DIO1: variants seen among roughly 807,000 people sequenced by gnomAD.
DIO1 encodes iodothyronine deiodinase 1, also known as type I iodothyronine deiodinase.
A neutral mutation model predicts 25.9 loss-of-function variants in DIO1; 17 were observed. The ratio of observed to expected loss-of-function variants is 0.66; its 90% CI spans 0.45 to 0.98. The LOEUF is 0.98. Among genes scored for constraint, DIO1 ranks in the 50% least tolerant of loss-of-function variants. The probability of loss-of-function intolerance (pLI) is 0.00; values close to 1 mark genes in which losing one functional copy is unlikely to be tolerated. For synonymous variants in DIO1, 115 were observed against 114.0 expected (o/e 1.01, Z -0.05); for missense variants, 270 against 310.4 (o/e 0.87, Z 0.98).
At position 53,906,274 on chromosome 1, in the gene DIO1, G is replaced by A. The variant is rs1651651141; in HGVS notation, c.661G>A (p.Glu221Lys). The A allele has an allele frequency of 1.9e-6, 3 of 1,613,318 alleles. No individual in the cohort carries two copies. Among genetic ancestry groups the A allele is most frequent in the Non-Finnish European group, 2.5e-6 (3 of 1,179,700 alleles). ...ALPERLYIIQ[E>K]GRILYKGKSG... The stretch of plus-strand genomic sequence containing the variant: ...GCCTGAGAGGCTCTACATAATCCAG[G>A]AGGGCAGGATCCTCTACAAGGTGGT... Residue 221 changes from glutamate to lysine, a missense_variant, in exon 3 of 4, where the codon GAG (glutamate) becomes AAG (lysine). Glu to Lys is a moderately conservative substitution (Grantham distance 56). Coordinates refer to ENST00000361921, the MANE Select transcript of DIO1 (RefSeq NM_000792.7).
At chr1:53,896,500 G>A (rs927592810) in intron 1 of DIO1, among the ~76,000 whole-genome samples, 2 of 152,152 alleles carry the variant, frequency 1.3e-5, no homozygotes, top group African/African-American at 2.4e-5. Context: ...TTACAGGCAT[G>A]AGCCACTGTG....
At chr1:53,900,324 C>T (rs1651289690) in intron 1 of DIO1, among the ~76,000 whole-genome samples, 1 of 152,198 alleles carries the variant, frequency 6.6e-6, no homozygotes, top group Non-Finnish European at 1.5e-5. Context: ...AAAATTCTGG[C>T]CAGGCGCAGT....
chr1:53,895,794 C>G (rs1384300914), intron 1 of DIO1, among the ~76,000 whole-genome samples: 1 of 152,228 alleles, frequency 6.6e-6, no homozygotes, highest in African/African-American at 2.4e-5. Context: ...ACTGTTGGGC[C>G]TTGTACATCT....
At chr1:53,904,930 C>G in intron 2 of DIO1, 121 bp downstream of exon 2, 1 of 1,109,030 alleles carries the variant, frequency 9.0e-7, no homozygotes, top group Non-Finnish European at 1.3e-6. Context: ...AGGGAAAGAG[C>G]CACTATTCAC....
rs1399259947 is a variant in DIO1, at chr1:53,901,406, G to A, written c.338-3260G>A. Among the ~76,000 whole-genome samples the A allele has an allele frequency of 3.3e-5, 5 of 152,168 alleles. No homozygotes were observed. The East Asian group carries it at 7.7e-4, about 23-fold the overall frequency. Reference sequence around the variant, plus strand: ...AATATCAGCTGGTCTTGATTGGACTGTCTTTTAGCATCAATAGTTGGGCCT... The same window carrying A: ...AATATCAGCTGGTCTTGATTGGACTATCTTTTAGCATCAATAGTTGGGCCT... On this transcript the variant is annotated intron_variant, in intron 1 of 3. Transcript: ENST00000361921.
chr1:53,906,296 T>G lies in DIO1; in HGVS notation c.681+2T>G. The G allele has an allele frequency of 6.2e-7, 1 of 1,608,230 alleles. No individual in the cohort carries two copies. Among genetic ancestry groups the G allele is most frequent in the South Asian group, 1.1e-5 (1 of 90,728 alleles). On this transcript the variant is annotated splice_donor_variant, in intron 3 of 3. Transcript: ENST00000361921. LOFTEE classifies it high-confidence loss of function. ...CAGGAGGGCAGGATCCTCTACAAGG[T>G]GGTGACCTGGGGACAGGGGGCCCAG... is the stretch of plus-strand genomic sequence containing the variant.
In DIO1 at chr1:53,904,692, G is replaced by T; in HGVS notation, c.364G>T (p.Gly122Ter). 6.2e-7 allele frequency: 1 copy of T among 1,613,432 alleles called. No homozygotes were observed. The highest frequency in any genetic ancestry group is 2.2e-5 in the East Asian group (1 of 44,848). ...QGNRPLVLNF[G>*]SCTUPSFMFK... ...TAATAGGCCACTGGTGCTGAATTTT[G>T]GAAGTTGTACCTGACCTTCATTTAT... The change falls in exon 2 of 4, where the codon GGA becomes TGA. Residue 122 changes from glycine (G) to a stop codon, truncating the protein, a stop_gained. Coordinates refer to ENST00000361921, the MANE Select transcript of DIO1 (RefSeq NM_000792.7). LOFTEE classifies it high-confidence loss of function.
intron 1 of DIO1, among the ~76,000 whole-genome samples, chr1:53,895,944 C>T (rs576739410): frequency 8.5e-5 from 13 of 152,314 alleles, no homozygotes; most frequent in African/African-American, 3.1e-4. Context: ...GCCACCTCAG[C>T]TTCCTACAGC....
chr1:53,910,916 T>C lies in DIO1; in HGVS notation c.*917T>C, dbSNP rs939742037. ...CTCTTAATGGTCATTTGTGTTAGATTACATCAAACTGATGGATAGCCATTG... is the reference window on the plus strand; with the variant it reads ...CTCTTAATGGTCATTTGTGTTAGATCACATCAAACTGATGGATAGCCATTG... On this transcript the variant is annotated 3_prime_UTR_variant, in exon 4 of 4. Coordinates refer to ENST00000361921, the MANE Select transcript of DIO1 (RefSeq NM_000792.7). 6.5e-6 allele frequency: 1 copy of C among 152,686 alleles called. No homozygotes were observed. Among genetic ancestry groups the C allele is most frequent in the African/African-American group, 2.4e-5 (1 of 41,466 alleles). 9.5% of individuals were successfully genotyped at this position (152,686 alleles called of 1,614,324 possible). A position where few individuals can be genotyped will look rare whatever the true frequency, so the allele number is the denominator to read the frequency against.
At chr1:53,902,062 GTTGCTCTCTA>G (rs1314994066) in intron 1 of DIO1, among the ~76,000 whole-genome samples, 2 of 151,856 alleles carry the variant, frequency 1.3e-5, no homozygotes, top group Admixed American at 6.6e-5. Context: ...CCCTTCTCTT[GTTGCTCTCTA>G]TGCCGGGTTC....
chr1:53,895,929 A>G (rs1214506858), intron 1 of DIO1, among the ~76,000 whole-genome samples: 1 of 151,998 alleles, frequency 6.6e-6, no homozygotes, highest in Non-Finnish European at 1.5e-5. Context: ...CTTGTCCTCC[A>G]TGAAGCCACC....
chr1:53,897,278 C>A (rs1290789670), intron 1 of DIO1, among the ~76,000 whole-genome samples: 1 of 152,126 alleles, frequency 6.6e-6, no homozygotes, highest in Non-Finnish European at 1.5e-5. Context: ...AAGTTCAAGA[C>A]CAGCCTGGCC....
At chr1:53,898,952 C>T (rs375487850) in intron 1 of DIO1, among the ~76,000 whole-genome samples, 32 of 152,252 alleles carry the variant, frequency 2.1e-4, no homozygotes, top group African/African-American at 7.2e-4. Flanking sequence ...CTTAGAGTCA[C>T]ACAGTGAGTT....
rs1433189127 is a variant in DIO1 at position 53,894,918 on chromosome 1, A to T, written c.337+371A>T. 6.6e-6 allele frequency among the ~76,000 whole-genome samples: 1 copy of T among 152,184 alleles called. No individual in the cohort carries two copies. The highest frequency in any genetic ancestry group is 2.4e-5 in the African/African-American group (1 of 41,432). ...TCGAGAAGCCAAGCCCAACTCTCCC[A>T]TACTAGGCTACCCTCTCTCATCTGC... is the stretch of plus-strand genomic sequence containing the variant. On this transcript the variant is annotated intron_variant, in intron 1 of 3. Coordinates refer to ENST00000361921, the MANE Select transcript of DIO1 (RefSeq NM_000792.7). The surrounding 1 kb of genome is among the most constrained non-coding windows in gnomAD (Gnocchi z 4.9).
At position 53,904,542 on chromosome 1, in the gene DIO1, C is replaced by T; in HGVS notation, c.338-124C>T. ...AGGTGTCGGACCCCAGTGCCTAGGACCCATCCTGGGGTGGGGGGTAGGGGG... is the reference window on the plus strand; with the variant it reads ...AGGTGTCGGACCCCAGTGCCTAGGATCCATCCTGGGGTGGGGGGTAGGGGG... On this transcript the variant is annotated intron_variant, in intron 1 of 3. Transcript: ENST00000361921. 8.2e-6 allele frequency: 10 copies of T among 1,224,028 alleles called. No individual in the cohort carries two copies. In the South Asian group the frequency reaches 1.5e-4, roughly 18 times the overall value. The allele number at this position is 1,224,028 out of a possible 1,614,324, so 75.8% of individuals were successfully genotyped here. A position where few individuals can be genotyped will look rare whatever the true frequency, so the allele number is the denominator to read the frequency against.
intron 3 of DIO1, among the ~76,000 whole-genome samples, chr1:53,908,492 G>A (rs1651777127): frequency 6.6e-6 from 1 of 152,230 alleles, no homozygotes; most frequent in African/African-American, 2.4e-5. Flanking sequence ...TGAGGCATCA[G>A]GACTAACCTG....
In DIO1 at chr1:53,907,912, G is replaced by A. The variant is rs187995356; in HGVS notation, c.681+1618G>A. 8.4e-5 allele frequency among the ~76,000 whole-genome samples: 6 copies of A among 71,854 alleles called. No homozygotes were observed. In the East Asian group the frequency reaches 9.9e-4, roughly 12 times the overall value. 47.1% of individuals were successfully genotyped at this position (71,854 alleles called of 152,430 possible). On this transcript the variant is annotated intron_variant, in intron 3 of 3. Coordinates refer to ENST00000361921, the MANE Select transcript of DIO1 (RefSeq NM_000792.7). ...AGCAACAAGAGTGAAACTCTGTCTC[G>A]GAAAAAAAAAAAAAAAAAAAAAAAT... is the stretch of plus-strand genomic sequence containing the variant.
At chr1:53,906,316 G>A in intron 3 of DIO1, 22 bp downstream of exon 3, 2 of 1,593,440 alleles carry the variant, frequency 1.3e-6, no homozygotes, top group Non-Finnish European at 1.7e-6. Flanking sequence ...GGGACAGGGG[G>A]CCCAGGGAGG....
chr1:53,906,592 C>T (rs1557625732), intron 3 of DIO1, among the ~76,000 whole-genome samples: 1 of 152,146 alleles, frequency 6.6e-6, no homozygotes, highest in Non-Finnish European at 1.5e-5. Context: ...ATGGCCCAGT[C>T]CTGGTCTGGT....
Sources: gnomAD v4.1 joint callset for allele counts (sites outside exome capture counted in the v4.1 genomes callset) on GRCh38, gnomAD v4.1.1 for gene constraint, Gnocchi (gnomAD v3.1) non-coding constraint, MANE v1.5 for transcripts, NCBI Gene and HGNC (gene_info 2026-07-23, HGNC 2026-07-21) for gene names.